Variants in VSTM2A observed in about 807,000 individuals in gnomAD.
The protein encoded by VSTM2A is V-set and transmembrane domain-containing protein 2A.
In VSTM2A, 13 loss-of-function variants were observed where a neutral mutation model predicts 27.3. That is an observed-to-expected ratio of 0.48 (90% confidence interval 0.31 to 0.76). VSTM2A has a LOEUF of 0.76. Among genes scored for constraint, VSTM2A ranks in the 30% least tolerant of loss-of-function variants. The pLI is 0.05. For missense variants in VSTM2A, 280 were observed against 310.0 expected, an observed-to-expected ratio of 0.90 and a Z score of 0.73; for synonymous variants, 142 against 125.7, an observed-to-expected ratio of 1.13 and a Z score of -0.87.
chr7:54,554,981 A>T (rs1439435664), intron 4 of VSTM2A, among the ~76,000 whole-genome samples: 3 of 152,216 alleles, frequency 2.0e-5, no homozygotes, highest in Non-Finnish European at 2.9e-5. Flanking sequence ...TTCAAGACTG[A>T]ATTTATCTTA....
At chr7:54,553,915 T>C in intron 4 of VSTM2A, 1 of 1,551,344 alleles carries the variant, frequency 6.4e-7, no homozygotes. Context: ...CCACCTCTAC[T>C]AGTCCTTCCT....
At chr7:54,546,690 GCCGGGACAGCC>G (rs1454647586) in intron 2 of VSTM2A, 83 of 377,740 alleles carry the variant, frequency 2.2e-4, no homozygotes, top group Middle Eastern at 6.5e-4. Flanking sequence ...CCGGGACAGC[GCCGGGACAGCC>G]CCGGGACAGC....
chr7:54,557,896 G>A (rs926733477), intron 4 of VSTM2A: 1 of 152,178 alleles, frequency 6.6e-6, no homozygotes, highest in African/African-American at 2.4e-5. Context: ...GGTTGAGGAA[G>A]GAAGACTAGA....
intron 4 of VSTM2A, among the ~76,000 whole-genome samples, chr7:54,566,300 G>A (rs543233691): frequency 7.9e-5 from 12 of 152,264 alleles, no homozygotes; most frequent in African/African-American, 2.6e-4. Context: ...TTTATGTTGG[G>A]GGTAAAGTTT....
intron 2 of VSTM2A, among the ~76,000 whole-genome samples, chr7:54,545,735 G>A (rs1160811462): frequency 8.4e-6 from 1 of 119,326 alleles, no homozygotes; most frequent in Non-Finnish European, 1.7e-5. Context: ...GAAAAAGGGA[G>A]AGAGGGAAGG....
chr7:54,564,780 G>A (rs1788669468), intron 4 of VSTM2A, among the ~76,000 whole-genome samples: 1 of 152,124 alleles, frequency 6.6e-6, no homozygotes, highest in South Asian at 2.1e-4. Flanking sequence ...AAATAATAGT[G>A]GAGCCAGGTA....
chr7:54,549,743 A>T, intron 3 of VSTM2A, 91 bp from the exon 4 acceptor site: 1 of 1,250,344 alleles, frequency 8.0e-7, no homozygotes, highest in Non-Finnish European at 1.1e-6. Flanking sequence ...AAGACCCTTT[A>T]ACTTTCCAAT....
Position 54,570,290 on chromosome 7 carries a change from A to G in VSTM2A, c.*1071A>G, listed in dbSNP as rs1788851727. The G allele has an allele frequency of 1.3e-5, 2 of 152,160 alleles. No individual in the cohort carries two copies. Among genetic ancestry groups the G allele is most frequent in the Non-Finnish European group, 2.9e-5 (2 of 68,018 alleles). 9.4% of individuals were successfully genotyped at this position (152,160 alleles called of 1,614,324 possible). ...ATCATTATAATCTTGTCAAATAGAA[A>G]TGTTGCTTCTAGAAAATTTGCCTAG... On this transcript the variant is annotated 3_prime_UTR_variant, in exon 5 of 5. Transcript: ENST00000402613.
Position 54,569,295 on chromosome 7 carries a change from T to C in VSTM2A, c.*76T>C. 1.3e-6 allele frequency: 2 copies of C among 1,536,322 alleles called. No homozygotes were observed. The highest frequency in any genetic ancestry group is 1.8e-6 in the Non-Finnish European group (2 of 1,139,750). ...CACATGCTTTGTTGATCATATTTTCTTTGGCAAAACACTGATCTTTTATTT... is the reference window on the plus strand; with the variant it reads ...CACATGCTTTGTTGATCATATTTTCCTTGGCAAAACACTGATCTTTTATTT... On this transcript the variant is annotated 3_prime_UTR_variant, in exon 5 of 5. Coordinates refer to ENST00000402613, the MANE Select transcript of VSTM2A (RefSeq NM_001301009.2).
chr7:54,546,089 G>A lies in VSTM2A; in HGVS notation c.247-858G>A, dbSNP rs146334783. ...AGGAGAGGAAAAGGAGAGACGGAGG[G>A]AGAGGGAAGGGAGAGGGAGGGAAAG... On this transcript the variant is annotated intron_variant, in intron 2 of 4. Coordinates refer to ENST00000402613, the MANE Select transcript of VSTM2A (RefSeq NM_001301009.2). 4.0e-3 allele frequency: 578 copies of A among 146,114 alleles called. 4 individuals carry two copies. The highest frequency in any genetic ancestry group is 0.011 in the Middle Eastern group (3 of 284). The allele number at this position is 146,114 out of a possible 1,614,324, so 9.1% of individuals were successfully genotyped here.
At chr7:54,550,232 G>A in intron 4 of VSTM2A, 62 bp downstream of exon 4, 1 of 1,549,896 alleles carries the variant, frequency 6.5e-7, no homozygotes, top group Non-Finnish European at 8.7e-7. Context: ...AGAAAGGTCA[G>A]TCGTATAGAG....
intron 4 of VSTM2A, among the ~76,000 whole-genome samples, chr7:54,563,276 C>T (rs1455418075): frequency 6.6e-6 from 1 of 152,156 alleles, no homozygotes; most frequent in Non-Finnish European, 1.5e-5. Context: ...TGAGTCTCAC[C>T]TGTACTACCT....
chr7:54,552,812 C>T (rs959204594), intron 4 of VSTM2A, among the ~76,000 whole-genome samples: 10 of 152,112 alleles, frequency 6.6e-5, no homozygotes, highest in African/African-American at 9.7e-5. Context: ...TTGTTTGATA[C>T]AAAGAGGCAT....
At chr7:54,554,145 C>G in intron 4 of VSTM2A, 1 of 1,532,540 alleles carries the variant, frequency 6.5e-7, no homozygotes, top group Non-Finnish European at 8.8e-7. Context: ...TTCCAATTCC[C>G]CACCCTCTCA....
chr7:54,565,271 T>C (rs966438884), intron 4 of VSTM2A, among the ~76,000 whole-genome samples: 26 of 152,360 alleles, frequency 1.7e-4, no homozygotes, highest in Middle Eastern at 3.4e-3. Flanking sequence ...ATATTCCTGA[T>C]CTGCATATTT....
intron 2 of VSTM2A, 82 bp from the exon 3 acceptor site, chr7:54,546,865 G>C: frequency 1.9e-6 from 3 of 1,556,406 alleles, no homozygotes; most frequent in Non-Finnish European, 2.6e-6. Flanking sequence ...GCCCTGCCCG[G>C]AGCCGCGAAG....
intron 4 of VSTM2A, among the ~76,000 whole-genome samples, chr7:54,563,251 A>C (rs922761803): frequency 2.6e-5 from 4 of 152,180 alleles, no homozygotes; most frequent in African/African-American, 9.7e-5. Flanking sequence ...TCTAGAGTCA[A>C]ACAGAAACTG....
intron 4 of VSTM2A, chr7:54,551,026 A>G (rs1788174490): frequency 2.0e-5 from 3 of 152,104 alleles, no homozygotes; most frequent in Admixed American, 2.0e-4. Context: ...TGATGCTACC[A>G]TCAGTAATGG....
At position 54,569,286 on chromosome 7, in the gene VSTM2A, C is replaced by A; in HGVS notation, c.*67C>A. 1.3e-6 allele frequency: 2 copies of A among 1,538,316 alleles called. No individual in the cohort carries two copies. The highest frequency in any genetic ancestry group is 2.5e-5 in the South Asian group (2 of 81,612). On this transcript the variant is annotated 3_prime_UTR_variant, in exon 5 of 5. Coordinates refer to ENST00000402613, the MANE Select transcript of VSTM2A (RefSeq NM_001301009.2). ...AGAGGCTATCACATGCTTTGTTGAT[C>A]ATATTTTCTTTGGCAAAACACTGAT... is the stretch of plus-strand genomic sequence containing the variant.
Sources: gnomAD v4.1 joint callset for allele counts (sites outside exome capture counted in the v4.1 genomes callset) on GRCh38, gnomAD v4.1.1 for gene constraint, MANE v1.5 for transcripts, NCBI Gene and HGNC (gene_info 2026-07-23, HGNC 2026-07-21) for gene names.